Variants in ANGPT4 observed in about 807,000 individuals in gnomAD.
The protein encoded by ANGPT4 is angiopoietin-4.
A neutral mutation model predicts 53.0 loss-of-function variants in ANGPT4; 50 were observed. The observed-to-expected ratio is 0.94, with a 90% CI of 0.75 to 1.20. The LOEUF (loss-of-function observed/expected upper bound fraction) is 1.20. Ranked by LOEUF, ANGPT4 falls within the 50% of genes most tolerant of loss-of-function variation. The pLI, the probability that ANGPT4 is intolerant of heterozygous loss-of-function variation, is 0.00. For synonymous variants in ANGPT4, 251 were observed against 259.7 expected (o/e 0.97, Z 0.32); for missense variants, 648 against 637.1 (o/e 1.02, Z -0.18).
chr20:874,181 C>A, intron 8 of ANGPT4, 103 bp downstream of exon 8: 4 of 1,540,776 alleles, frequency 2.6e-6, no homozygotes, highest in Non-Finnish European at 3.5e-6. Context: ...CTGCACCCAT[C>A]CTCCTGACAG....
intron 7 of ANGPT4, among the ~76,000 whole-genome samples, chr20:877,398 G>T (rs1366079504): frequency 6.6e-6 from 1 of 152,184 alleles, no homozygotes; most frequent in African/African-American, 2.4e-5. Context: ...ATCATGTTGT[G>T]GAGACATCAT....
chr20:907,976 A>T (rs1014879281), intron 1 of ANGPT4, among the ~76,000 whole-genome samples: 1 of 152,170 alleles, frequency 6.6e-6, no homozygotes, highest in Non-Finnish European at 1.5e-5. Context: ...AGGCCCACAA[A>T]GGCCGAGCAT....
intron 1 of ANGPT4, among the ~76,000 whole-genome samples, chr20:897,351 C>T (rs1487381483): frequency 6.6e-6 from 1 of 152,214 alleles, no homozygotes; most frequent in African/African-American, 2.4e-5. Flanking sequence ...GCCCAAGGAA[C>T]ATCTCACCAA....
At chr20:899,455 G>A (rs142082210) in intron 1 of ANGPT4, among the ~76,000 whole-genome samples, 3,626 of 151,864 alleles carry the variant, frequency 0.024, 77 homozygotes, top group Middle Eastern at 0.044. Flanking sequence ...GGGTTTCACC[G>A]TGTTAGCCAG....
intron 1 of ANGPT4, among the ~76,000 whole-genome samples, chr20:900,513 G>A (rs1004706996): frequency 6.6e-6 from 1 of 152,118 alleles, no homozygotes; most frequent in Non-Finnish European, 1.5e-5. Flanking sequence ...TAATTGGACA[G>A]GCACATGCAC....
At chr20:899,787 T>C (rs886490983) in intron 1 of ANGPT4, among the ~76,000 whole-genome samples, 3 of 152,212 alleles carry the variant, frequency 2.0e-5, no homozygotes, top group African/African-American at 7.2e-5. Context: ...ATGCTTTCTT[T>C]ACTATTCCTT....
chr20:902,819 C>T (rs1235985694), intron 1 of ANGPT4, among the ~76,000 whole-genome samples: 1 of 152,140 alleles, frequency 6.6e-6, no homozygotes, highest in African/African-American at 2.4e-5. Context: ...CACTGGTGTC[C>T]CCAGTAGGCT....
At chr20:878,629 GA>G (rs547924582) in intron 6 of ANGPT4, among the ~76,000 whole-genome samples, 104 of 152,298 alleles carry the variant, frequency 6.8e-4, no homozygotes, top group African/African-American at 2.5e-3. Flanking sequence ...TATTGACTGG[GA>G]GGGGGCACAA....
intron 4 of ANGPT4, 71 bp downstream of exon 4, chr20:885,007 G>GGGT: frequency 2.2e-5 from 35 of 1,587,328 alleles, no homozygotes; most frequent in Non-Finnish European, 3.0e-5. Flanking sequence ...AGACCCTGGA[G>GGGT]GGTGAGCAGG....
At chr20:888,466 G>A (rs773751255) in intron 2 of ANGPT4, 27 bp from the exon 3 acceptor site, 2 of 1,603,564 alleles carry the variant, frequency 1.2e-6, no homozygotes, top group Admixed American at 3.4e-5. Context: ...AAGCAGGTAG[G>A]GGGCTGCGTA....
At chr20:906,269 C>T (rs1212873826) in intron 1 of ANGPT4, among the ~76,000 whole-genome samples, 8 of 152,116 alleles carry the variant, frequency 5.3e-5, no homozygotes, top group Admixed American at 6.5e-5. Context: ...TGGGAGGAAG[C>T]CATCTGGAGG....
chr20:891,986 G>C (rs766294748), intron 1 of ANGPT4, among the ~76,000 whole-genome samples: 2 of 152,156 alleles, frequency 1.3e-5, no homozygotes, highest in Non-Finnish European at 2.9e-5. Flanking sequence ...CCCTGGCTGA[G>C]TCAGATGCCT....
At chr20:907,040 T>C (rs1256780383) in intron 1 of ANGPT4, among the ~76,000 whole-genome samples, 1 of 152,198 alleles carries the variant, frequency 6.6e-6, no homozygotes, top group East Asian at 1.9e-4. Flanking sequence ...GCCATTTCCT[T>C]TCTCTGCCAG....
At chr20:879,507 TA>T (rs1012162351) in intron 6 of ANGPT4, among the ~76,000 whole-genome samples, 4 of 152,012 alleles carry the variant, frequency 2.6e-5, no homozygotes, top group Admixed American at 6.6e-5. Context: ...TGTATTTTTT[TA>T]AAAAAAATTA....
rs367995955 is a variant in ANGPT4, at chr20:873,068, G to A, written c.1404C>T (p.His468=). 47 of 1,613,968 alleles carry A rather than the reference G, an allele frequency of 2.9e-5. No homozygotes were observed. The highest frequency in any genetic ancestry group is 1.8e-4 in the Admixed American group (11 of 60,000). Reference sequence around the variant, plus strand: ...CCATCTTGTACTTGTTGTCGGGAGCGTGGTAGTAGACGCCGTTGAGGTTTG... The same window carrying A: ...CCATCTTGTACTTGTTGTCGGGAGCATGGTAGTAGACGCCGTTGAGGTTTG... The part of the protein sequence containing the change: ...GLSNLNGVYY[H]APDNKYKMDG... Residue 468 remains histidine, a synonymous_variant, in exon 9 of 9, where the codon CAC becomes CAT. Transcript: ENST00000381922.
At chr20:900,277 G>A (rs115280549) in intron 1 of ANGPT4, among the ~76,000 whole-genome samples, 1,629 of 152,130 alleles carry the variant, frequency 0.011, 26 homozygotes, top group African/African-American at 0.037. Context: ...GTAGATACTC[G>A]ACGTTTTTTC....
Position 885,138 on chromosome 20 carries a change from G to T in ANGPT4, c.775C>A (p.Arg259Ser). The T allele has an allele frequency of 1.2e-6, 2 of 1,612,322 alleles. No individual in the cohort carries two copies. Among genetic ancestry groups the T allele is most frequent in the Admixed American group, 1.7e-5 (1 of 59,836 alleles). ...TGCCGCAACAACACCAGCAGCTGGCGCAGGCTGTGCTGCTGGTCCTGCAGG... is the reference window on the plus strand; with the variant it reads ...TGCCGCAACAACACCAGCAGCTGGCTCAGGCTGTGCTGCTGGTCCTGCAGG... Reference protein sequence around the residue: ...SLLQDQQHSLRQLLVLLRHLV... With the variant: ...SLLQDQQHSLSQLLVLLRHLV... The change falls in exon 4 of 9, where the codon CGC (arginine) becomes AGC (serine). Residue 259 changes from arginine to serine, a missense_variant. By Grantham distance (110) the Arg-to-Ser change is moderately radical. Transcript: ENST00000381922.
chr20:895,681 T>C (rs977150780), intron 1 of ANGPT4, among the ~76,000 whole-genome samples: 2 of 152,120 alleles, frequency 1.3e-5, no homozygotes, highest in African/African-American at 2.4e-5. Context: ...TGGACATCAA[T>C]TGGTGAATGG....
intron 4 of ANGPT4, among the ~76,000 whole-genome samples, chr20:884,845 G>A (rs1430487802): frequency 2.0e-5 from 3 of 152,158 alleles, no homozygotes; most frequent in African/African-American, 7.2e-5. Flanking sequence ...GAGGCCAAGA[G>A]AGGGGCAGGG....
Sources: allele counts gnomAD v4.1 joint callset (sites outside exome capture counted in the v4.1 genomes callset), GRCh38; gene constraint gnomAD v4.1.1; transcripts MANE v1.5; gene names NCBI Gene and HGNC (gene_info 2026-07-23, HGNC 2026-07-21).